The following CYTH3 variants were observed in gnomAD, a reference collection of about 807,000 sequenced individuals.
The protein encoded by CYTH3 is cytohesin-3.
Under a neutral mutation model 55.1 loss-of-function variants are expected in CYTH3, and 23 were observed. That is an observed-to-expected ratio of 0.42 (90% CI 0.30 to 0.59). The LOEUF (loss-of-function observed/expected upper bound fraction) is 0.59. Among genes scored for constraint, CYTH3 ranks in the 20% least tolerant of loss-of-function variants. The probability of loss-of-function intolerance (pLI) is 0.20; values close to 1 mark genes in which losing one functional copy is unlikely to be tolerated. For synonymous variants in CYTH3, 249 were observed against 194.9 expected (o/e 1.28, Z -2.31); for missense variants, 413 against 524.8 (o/e 0.79, Z 2.08).
intron 4 of CYTH3, among the ~76,000 whole-genome samples, chr7:6,178,292 C>T (rs891306153): frequency 2.6e-5 from 4 of 152,222 alleles, no homozygotes; most frequent in African/African-American, 9.6e-5. Flanking sequence ...GCGAGGAAAA[C>T]TTTGTGGGTG....
chr7:6,207,093 T>TC (rs1784208520), intron 1 of CYTH3, among the ~76,000 whole-genome samples: 1 of 135,806 alleles, frequency 7.4e-6, no homozygotes, highest in Non-Finnish European at 1.6e-5. Context: ...CAACTTTTTT[T>TC]TTTTTTTTTT....
rs968019732 is a variant in CYTH3, at chr7:6,263,118, C to T, written c.34+9356G>A. 2.0e-5 allele frequency among the ~76,000 whole-genome samples: 3 copies of T among 152,298 alleles called. No individual in the cohort carries two copies. The East Asian group carries it at 5.8e-4, about 29-fold the overall frequency. The stretch of plus-strand genomic sequence containing the variant: ...TATGTCCATCTGATTCTCCAAAATA[C>T]ATTCCATCCCATAACAAGAGCTCAC... On this transcript the variant is annotated intron_variant, in intron 1 of 12. Coordinates refer to ENST00000350796, the MANE Select transcript of CYTH3 (RefSeq NM_004227.4).
intron 1 of CYTH3, among the ~76,000 whole-genome samples, chr7:6,244,981 TTTTTTTTTTTTTG>T (rs1779769223): frequency 1.7e-5 from 2 of 120,452 alleles, no homozygotes; most frequent in Admixed American, 9.4e-5. Context: ...TTTTTTTTTT[TTTTTTTTTTTTTG>T]TATTTTTAGT....
chr7:6,216,722 C>A (rs931146556), intron 1 of CYTH3, among the ~76,000 whole-genome samples: 4 of 151,924 alleles, frequency 2.6e-5, no homozygotes. Flanking sequence ...ATCTGGGTGA[C>A]AGGGTGAGAC....
chr7:6,174,599 G>A (rs1385345248), intron 5 of CYTH3, among the ~76,000 whole-genome samples: 1 of 144,008 alleles, frequency 6.9e-6, no homozygotes, highest in Non-Finnish European at 1.5e-5. Flanking sequence ...CCAGGCTGGA[G>A]TGCAGTGGCA....
chr7:6,164,749 T>A lies in CYTH3; in HGVS notation c.*195A>T. 1 of 677,074 alleles carries A rather than the reference T, an allele frequency of 1.5e-6. No individual in the cohort carries two copies. The highest frequency in any genetic ancestry group is 2.6e-6 in the Non-Finnish European group (1 of 382,696). The allele number at this position is 677,074 out of a possible 1,614,324, so 41.9% of individuals were successfully genotyped here. A position where few individuals can be genotyped will look rare whatever the true frequency, so the allele number is the denominator to read the frequency against. ...TACGCTCTGGAGCAGCAGCTTGCAC[T>A]GCAGGGCGACCACCTCCCAGGACCC... On this transcript the variant is annotated 3_prime_UTR_variant, in exon 13 of 13. Coordinates refer to ENST00000350796, the MANE Select transcript of CYTH3 (RefSeq NM_004227.4).
intron 1 of CYTH3, among the ~76,000 whole-genome samples, chr7:6,204,536 C>G (rs899323826): frequency 6.6e-6 from 1 of 152,168 alleles, no homozygotes; most frequent in South Asian, 2.1e-4. Flanking sequence ...ATCTAGTGTT[C>G]GTTCTCTAGA....
chr7:6,183,736 C>G (rs1388780432), intron 4 of CYTH3, among the ~76,000 whole-genome samples: 3 of 151,882 alleles, frequency 2.0e-5, no homozygotes, highest in East Asian at 1.9e-4. Context: ...ATGTCCGTGT[C>G]CCCCCCACAA....
At chr7:6,254,902 G>C (rs976935564) in intron 1 of CYTH3, among the ~76,000 whole-genome samples, 1 of 152,152 alleles carries the variant, frequency 6.6e-6, no homozygotes, top group Non-Finnish European at 1.5e-5. Flanking sequence ...CTTTTCTGTA[G>C]ATTTGAACAT....
intron 1 of CYTH3, among the ~76,000 whole-genome samples, chr7:6,222,412 A>C (rs546421974): frequency 6.6e-6 from 1 of 152,272 alleles, no homozygotes; most frequent in Admixed American, 6.5e-5. Flanking sequence ...ACATTTTAAC[A>C]TACAGAGAAG....
At chr7:6,197,600 T>C (rs1184838763) in intron 1 of CYTH3, among the ~76,000 whole-genome samples, 6 of 152,094 alleles carry the variant, frequency 3.9e-5, no homozygotes, top group East Asian at 1.9e-4. Flanking sequence ...GGAGAAATGC[T>C]TGAACCCAAG....
At chr7:6,208,131 A>G (rs1021805594) in intron 1 of CYTH3, among the ~76,000 whole-genome samples, 1 of 152,228 alleles carries the variant, frequency 6.6e-6, no homozygotes. Flanking sequence ...ATACACATCT[A>G]TCACTGGATA....
chr7:6,239,197 G>A (rs1295838033), intron 1 of CYTH3, among the ~76,000 whole-genome samples: 1 of 152,138 alleles, frequency 6.6e-6, no homozygotes, highest in Non-Finnish European at 1.5e-5. Flanking sequence ...CTGGGCAACA[G>A]GGCAACCTTT....
chr7:6,172,940 G>T, intron 6 of CYTH3: 1 of 1,150,850 alleles, frequency 8.7e-7, no homozygotes, highest in South Asian at 1.6e-5. Flanking sequence ...AACAGTCCAC[G>T]TAAACGAGAA....
Position 6,259,196 on chromosome 7 carries a change from A to G in CYTH3, c.34+13278T>C, listed in dbSNP as rs972498793. Among the ~76,000 whole-genome samples, 9 of 152,288 alleles carry G rather than the reference A, an allele frequency of 5.9e-5. No homozygotes were observed. In the South Asian group the frequency reaches 1.5e-3, roughly 25 times the overall value. ...AAACATCTGGATGAAAACTTGGGGG[A>G]AAAAAATCACTAATTACCTAGATAT... On this transcript the variant is annotated intron_variant, in intron 1 of 12. Transcript: ENST00000350796.
At chr7:6,173,066 G>A (rs764402066) in intron 6 of CYTH3, 15 of 1,069,476 alleles carry the variant, frequency 1.4e-5, no homozygotes, top group Non-Finnish European at 1.7e-5. Flanking sequence ...CCCGGATGCT[G>A]CTGAGTGCTG....
intron 1 of CYTH3, among the ~76,000 whole-genome samples, chr7:6,234,574 T>C (rs994710093): frequency 6.6e-6 from 1 of 152,160 alleles, no homozygotes; most frequent in Non-Finnish European, 1.5e-5. Context: ...TGGATGCTCA[T>C]GAAGAGGGCT....
chr7:6,249,443 A>G (rs928146803), intron 1 of CYTH3, among the ~76,000 whole-genome samples: 1 of 152,230 alleles, frequency 6.6e-6, no homozygotes, highest in African/African-American at 2.4e-5. Context: ...AGGACAGAGA[A>G]GAGTGTAGAA....
rs867766290 is a variant in CYTH3, at chr7:6,243,444, A to G, written c.34+29030T>C. On this transcript the variant is annotated intron_variant, in intron 1 of 12. Coordinates refer to ENST00000350796, the MANE Select transcript of CYTH3 (RefSeq NM_004227.4). ...GATGGGGGTGGGGAAGCAATGTAAT[A>G]ACATGGTGAAGTTAAGCACACTTGA... Among the ~76,000 whole-genome samples the G allele has an allele frequency of 3.9e-5, 6 of 152,328 alleles. No homozygotes were observed. The South Asian group carries it at 1.2e-3, about 32-fold the overall frequency.
Sources: allele counts gnomAD v4.1 joint callset (sites outside exome capture counted in the v4.1 genomes callset), GRCh38; gene constraint gnomAD v4.1.1; transcripts MANE v1.5; gene names NCBI Gene and HGNC (gene_info 2026-07-23, HGNC 2026-07-21).